Variants in NMU observed in about 807,000 individuals in gnomAD.
NMU encodes neuromedin-U.
A neutral mutation model predicts 35.4 loss-of-function variants in NMU; 29 were observed. The ratio of observed to expected loss-of-function variants is 0.82; its 90% CI spans 0.61 to 1.12. The LOEUF (loss-of-function observed/expected upper bound fraction) is 1.12. Among genes scored for constraint, NMU ranks in the 50% most tolerant of loss-of-function variants. The probability of loss-of-function intolerance (pLI) is 0.00; values close to 1 mark genes in which losing one functional copy is unlikely to be tolerated. For missense variants in NMU, 199 were observed against 206.2 expected, an observed-to-expected ratio of 0.97 and a Z score of 0.21; for synonymous variants, 78 against 81.3, an observed-to-expected ratio of 0.96 and a Z score of 0.22.
Position 55,605,274 on chromosome 4 carries a change from C to T in NMU, c.435+1G>A, listed in dbSNP as rs202010637. The stretch of plus-strand genomic sequence containing the variant: ...GCCAGCATGCAGTTTGTATTACATA[C>T]GTCCACTCTGAATCTCTTCATTCTT... On this transcript the variant is annotated splice_donor_variant, in intron 7 of 9. Transcript: ENST00000264218. LOFTEE classifies it high-confidence loss of function. 9.3e-5 allele frequency: 150 copies of T among 1,605,352 alleles called. No homozygotes were observed. The highest frequency in any genetic ancestry group is 1.9e-5 in the Non-Finnish European group (22 of 1,172,056).
intron 3 of NMU, among the ~76,000 whole-genome samples, chr4:55,609,532 C>G (rs925667396): frequency 2.0e-5 from 3 of 152,198 alleles, no homozygotes; most frequent in Non-Finnish European, 2.9e-5. Flanking sequence ...AATTATTCTT[C>G]CCAGCTTGTA....
intron 3 of NMU, among the ~76,000 whole-genome samples, chr4:55,613,375 A>C (rs2110197775): frequency 6.6e-6 from 1 of 152,266 alleles, no homozygotes; most frequent in African/African-American, 2.4e-5. Flanking sequence ...GTAATAAGAA[A>C]CCATAGGAAG....
chr4:55,631,327 A>T (rs1387068206), intron 1 of NMU, among the ~76,000 whole-genome samples: 1 of 152,210 alleles, frequency 6.6e-6, no homozygotes, highest in Non-Finnish European at 1.5e-5. Context: ...AATAAATGGG[A>T]CCTAATTAAA....
At chr4:55,613,948 G>A (rs1159350820) in intron 3 of NMU, among the ~76,000 whole-genome samples, 1 of 151,920 alleles carries the variant, frequency 6.6e-6, no homozygotes, top group Non-Finnish European at 1.5e-5. Flanking sequence ...CAAAACATTA[G>A]GAATACAAAA....
chr4:55,628,024 G>A (rs1212752218), intron 2 of NMU, among the ~76,000 whole-genome samples: 1 of 152,244 alleles, frequency 6.6e-6, no homozygotes, highest in African/African-American at 2.4e-5. Context: ...GCCTTGGCCA[G>A]TGATACAAGG....
chr4:55,615,212 C>G (rs1367103854), intron 3 of NMU, among the ~76,000 whole-genome samples: 1 of 152,230 alleles, frequency 6.6e-6, no homozygotes, highest in Non-Finnish European at 1.5e-5. Context: ...CTCCTGGCCT[C>G]TTTCCAAAAC....
chr4:55,633,594 T>C (rs1446501422), intron 1 of NMU, among the ~76,000 whole-genome samples: 1 of 152,242 alleles, frequency 6.6e-6, no homozygotes. Flanking sequence ...CATTACTATC[T>C]ACTAAAGTGA....
At chr4:55,602,479 GA>G (rs1285060175) in intron 7 of NMU, among the ~76,000 whole-genome samples, 1 of 152,098 alleles carries the variant, frequency 6.6e-6, no homozygotes, top group Non-Finnish European at 1.5e-5. Flanking sequence ...ACTGAAGATG[GA>G]AAATTCAGTC....
At chr4:55,630,011 C>T (rs1340120623) in intron 2 of NMU, among the ~76,000 whole-genome samples, 1 of 148,980 alleles carries the variant, frequency 6.7e-6, no homozygotes, top group African/African-American at 2.5e-5. Context: ...TTTATATTTG[C>T]TTGCTATATC....
intron 9 of NMU, among the ~76,000 whole-genome samples, chr4:55,596,362 GTT>G (rs34453144): frequency 0.19 from 26,600 of 140,222 alleles, 2,538 homozygotes; most frequent in South Asian, 0.26. Context: ...AATTTTGGAG[GTT>G]TTTTTTTTTT....
In NMU at chr4:55,595,405, T is replaced by C. The variant is rs769391236; in HGVS notation, c.*11A>G. Reference sequence around the variant, plus strand: ...TAGCATTGCTCTGTGGAAAATTAGCTGGCATCCTGTAAAAAAAGAAAAATT... The same window carrying C: ...TAGCATTGCTCTGTGGAAAATTAGCCGGCATCCTGTAAAAAAAGAAAAATT... On this transcript the variant is annotated 3_prime_UTR_variant, in exon 10 of 10. Transcript: ENST00000264218. 3.9e-5 allele frequency: 6 copies of C among 152,256 alleles called. No individual in the cohort carries two copies. The highest frequency in any genetic ancestry group is 2.0e-4 in the Admixed American group (3 of 15,224). 9.4% of individuals were successfully genotyped at this position (152,256 alleles called of 1,614,324 possible).
rs1186614471 is a variant in NMU, at chr4:55,595,353, C to T, written c.*63G>A. 6.6e-6 allele frequency: 1 copy of T among 151,898 alleles called. No individual in the cohort carries two copies. Among genetic ancestry groups the T allele is most frequent in the Admixed American group, 6.6e-5 (1 of 15,198 alleles). The allele number at this position is 151,898 out of a possible 1,614,324, so 9.4% of individuals were successfully genotyped here. ...AGCAAGGATTTTTTTCAGAAGAAAA[C>T]AAAATGTCAGTACATTTTGTATTCC... On this transcript the variant is annotated 3_prime_UTR_variant, in exon 10 of 10. Transcript: ENST00000264218.
At chr4:55,610,757 C>T (rs1733899218) in intron 3 of NMU, among the ~76,000 whole-genome samples, 3 of 152,146 alleles carry the variant, frequency 2.0e-5, no homozygotes. Context: ...TCATGCACCA[C>T]ATAAGGGCAT....
At chr4:55,634,604 T>C (rs1374777320) in intron 1 of NMU, among the ~76,000 whole-genome samples, 1 of 152,202 alleles carries the variant, frequency 6.6e-6, no homozygotes, top group Non-Finnish European at 1.5e-5. Flanking sequence ...TGCAAGCATA[T>C]AGCATGCAAA....
At chr4:55,636,432 G>A (rs1715937328), upstream of NMU, 2 of 510,808 alleles carry the variant, frequency 3.9e-6, no homozygotes, top group East Asian at 7.5e-5. This position sits in a 1 kb window ranked among gnomAD's most constrained non-coding sequence, Gnocchi z 4.0. Context: ...GCCTGCCCGC[G>A]CCCCACCCTG....
chr4:55,616,372 C>G lies in NMU; in HGVS notation c.185G>C (p.Cys62Ser), dbSNP rs755169624. The change falls in exon 3 of 10, where the codon TGT becomes TCT. Residue 62 changes from cysteine to serine, a missense_variant. Cys to Ser is a moderately radical substitution (Grantham distance 112). Coordinates refer to ENST00000264218, the MANE Select transcript of NMU (RefSeq NM_006681.4). Reference protein sequence around the residue: ...LQLWNEIDDTCSSFLSIDSQP... With the variant: ...LQLWNEIDDTSSSFLSIDSQP... ...AGAATCAATGGACAGAAAAGACGAACAAGTATCATCTATCTGTAGAAAACA... is the reference window on the plus strand; with the variant it reads ...AGAATCAATGGACAGAAAAGACGAAGAAGTATCATCTATCTGTAGAAAACA... The G allele has an allele frequency of 6.2e-7, 1 of 1,611,652 alleles. No individual in the cohort carries two copies. The highest frequency in any genetic ancestry group is 1.3e-5 in the African/African-American group (1 of 74,994).
chr4:55,635,415 C>T (rs906200480), intron 1 of NMU, among the ~76,000 whole-genome samples: 1 of 152,186 alleles, frequency 6.6e-6, no homozygotes, highest in African/African-American at 2.4e-5. Flanking sequence ...CTGTAGCTGT[C>T]GCACTGCCTG....
chr4:55,616,520 C>T, intron 2 of NMU, 135 bp from the exon 3 acceptor site: 1 of 726,782 alleles, frequency 1.4e-6, no homozygotes, highest in South Asian at 1.6e-5. Flanking sequence ...ATTTGGAAGA[C>T]AGGAGCCTCA....
intron 2 of NMU, among the ~76,000 whole-genome samples, chr4:55,619,596 C>T (rs1734290435): frequency 7.5e-6 from 1 of 133,142 alleles, no homozygotes; most frequent in Non-Finnish European, 1.6e-5. Flanking sequence ...GGAGGGGCGC[C>T]CGCCATTGCC....
Sources: allele counts gnomAD v4.1 joint callset (sites outside exome capture counted in the v4.1 genomes callset), GRCh38; gene constraint gnomAD v4.1.1; non-coding constraint Gnocchi (gnomAD v3.1); transcripts MANE v1.5; gene names NCBI Gene and HGNC (gene_info 2026-07-23, HGNC 2026-07-21).